Variants in ZC3H12B observed in about 807,000 individuals in gnomAD.
ZC3H12B encodes probable ribonuclease ZC3H12B.
Under a neutral mutation model 43.9 loss-of-function variants are expected in ZC3H12B, and 7 were observed. The ratio of observed to expected loss-of-function variants is 0.16; its 90% CI spans 0.09 to 0.30. The LOEUF is 0.30. Among genes scored for constraint, ZC3H12B ranks in the 10% least tolerant of loss-of-function variants. The pLI, the probability that ZC3H12B is intolerant of heterozygous loss-of-function variation, is 1.00. For missense variants in ZC3H12B, 475 were observed against 670.2 expected (o/e 0.71, Z 3.22); for synonymous variants, 222 against 241.7 (o/e 0.92, Z 0.76).
the ZC3H12B span, among the ~76,000 whole-genome samples, chrX:65,339,616 G>C: frequency 8.9e-6 from 1 of 111,748 alleles, no homozygotes; most frequent in Non-Finnish European, 1.9e-5. Flanking sequence ...TGTCAGACCT[G>C]AACTCTACAG....
the ZC3H12B span, among the ~76,000 whole-genome samples, chrX:65,215,606 C>T: frequency 6.8e-4 from 76 of 111,197 alleles, no homozygotes; most frequent in African/African-American, 2.3e-3. Context: ...TCAATCCAGA[C>T]CACTAAAACT....
chrX:65,095,404 T>C, the ZC3H12B span, among the ~76,000 whole-genome samples: 2 of 111,372 alleles, frequency 1.8e-5, no homozygotes, highest in South Asian at 7.5e-4. Flanking sequence ...CAACTCTTCA[T>C]AGATCTGTCA....
At chrX:65,281,738 A>G in the ZC3H12B span, among the ~76,000 whole-genome samples, 2 of 112,552 alleles carry the variant, frequency 1.8e-5, no homozygotes. Flanking sequence ...AACACAGGGT[A>G]AACACTTCAG....
the ZC3H12B span, among the ~76,000 whole-genome samples, chrX:65,305,446 G>A: frequency 1.8e-5 from 2 of 112,093 alleles, no homozygotes; most frequent in Non-Finnish European, 3.8e-5. Context: ...CTCATTAAGA[G>A]ATAGCGATCT....
rs964566452 is a variant in ZC3H12B, at chrX:65,435,906, C to T, written n.407+37202C>T. 6.2e-5 allele frequency among the ~76,000 whole-genome samples: 7 copies of T among 112,038 alleles called. 1 individual carries two copies. Among genetic ancestry groups the T allele is most frequent in the African/African-American group, 2.3e-4 (7 of 30,872 alleles). On this transcript the variant is annotated intron_variant and non_coding_transcript_variant, in intron 3 of 5. Coordinates refer to the ZC3H12B transcript ENST00000617377. The stretch of plus-strand genomic sequence containing the variant: ...CTAAGTGTCTGAGAATATGGGGAGC[C>T]GCTCATGCAGGTCCCAGAGGCCAAA...
chrX:65,063,674 A>G, the ZC3H12B span, among the ~76,000 whole-genome samples: 1 of 112,226 alleles, frequency 8.9e-6, no homozygotes, highest in Non-Finnish European at 1.9e-5. Flanking sequence ...GGCCTCATAC[A>G]GTGAGTTAGG....
the ZC3H12B span, among the ~76,000 whole-genome samples, chrX:65,136,810 A>T: frequency 9.0e-6 from 1 of 111,590 alleles, no homozygotes; most frequent in East Asian, 2.8e-4. Flanking sequence ...TTTATATATA[A>T]TGTTCAAGAG....
the ZC3H12B span, among the ~76,000 whole-genome samples, chrX:65,261,212 C>T: frequency 9.0e-6 from 1 of 111,452 alleles, no homozygotes; most frequent in Non-Finnish European, 1.9e-5. Flanking sequence ...AGTAACAGAG[C>T]TTTCATTATA....
chrX:65,302,948 T>C, the ZC3H12B span, among the ~76,000 whole-genome samples: 2 of 111,834 alleles, frequency 1.8e-5, no homozygotes, highest in African/African-American at 6.5e-5. Flanking sequence ...TAACTGGATC[T>C]CTGCATGCAA....
intron 2 of ZC3H12B, among the ~76,000 whole-genome samples, chrX:65,397,970 T>C (rs2066720557): frequency 8.9e-6 from 1 of 112,149 alleles, no homozygotes; most frequent in South Asian, 3.7e-4. Flanking sequence ...ATCAGTAGCA[T>C]TTCTATATGC....
the ZC3H12B span, among the ~76,000 whole-genome samples, chrX:65,152,727 A>T: frequency 9.0e-6 from 1 of 111,565 alleles, no homozygotes; most frequent in Non-Finnish European, 1.9e-5. Flanking sequence ...AATTGGAAAA[A>T]ACTACTTTAA....
At chrX:65,249,035 G>C in the ZC3H12B span, among the ~76,000 whole-genome samples, 3 of 111,344 alleles carry the variant, frequency 2.7e-5, no homozygotes, top group Non-Finnish European at 3.8e-5. Context: ...TGGGTTTTCT[G>C]TTTACTCTGC....
chrX:65,423,491 C>G (rs2067044324), intron 3 of ZC3H12B, among the ~76,000 whole-genome samples: 1 of 112,301 alleles, frequency 8.9e-6, no homozygotes, highest in Non-Finnish European at 1.9e-5. Context: ...AAAAGCATTT[C>G]TATTTCTCCA....
upstream of ZC3H12B, among the ~76,000 whole-genome samples, chrX:65,363,015 C>T (rs191227357): frequency 1.6e-4 from 18 of 111,368 alleles, 1 homozygote; most frequent in South Asian, 3.8e-4. Context: ...AGACTCTCTT[C>T]GCTTTCACTT....
At chrX:65,184,810 A>T in the ZC3H12B span, among the ~76,000 whole-genome samples, 23 of 111,801 alleles carry the variant, frequency 2.1e-4, no homozygotes, top group African/African-American at 7.1e-4. Flanking sequence ...TATAATCCTG[A>T]ACTGTAGCCC....
chrX:65,113,513 A>G, the ZC3H12B span, among the ~76,000 whole-genome samples: 2 of 109,625 alleles, frequency 1.8e-5, no homozygotes, highest in Admixed American at 9.7e-5. Flanking sequence ...GCAGTGAGCC[A>G]TGATTACACC....
the ZC3H12B span, among the ~76,000 whole-genome samples, chrX:65,146,912 C>G: frequency 1.5e-4 from 17 of 111,492 alleles, no homozygotes; most frequent in East Asian, 4.8e-3. Flanking sequence ...GTCTGTGGGT[C>G]CTCTCAGGTT....
chrX:65,287,247 A>G, the ZC3H12B span, among the ~76,000 whole-genome samples: 1 of 111,903 alleles, frequency 8.9e-6, no homozygotes, highest in African/African-American at 3.3e-5. Flanking sequence ...TATGTTTATC[A>G]GCACATGGAA....
chrX:65,256,037 C>G, the ZC3H12B span, among the ~76,000 whole-genome samples: 1 of 112,200 alleles, frequency 8.9e-6, no homozygotes, highest in African/African-American at 3.2e-5. Context: ...ATTCATGAAA[C>G]AAGTTCTCAG....
Sources: allele counts gnomAD v4.1 joint callset (sites outside exome capture counted in the v4.1 genomes callset), GRCh38; gene constraint gnomAD v4.1.1; transcripts MANE v1.5; gene names NCBI Gene and HGNC (gene_info 2026-07-23, HGNC 2026-07-21).